ZNF804A: variants seen among roughly 807,000 people sequenced by gnomAD.
ZNF804A encodes zinc finger protein 804A.
A neutral mutation model predicts 16.5 loss-of-function variants in ZNF804A; 2 were observed. That is an observed-to-expected ratio of 0.12 (90% CI 0.05 to 0.38). The LOEUF is 0.38. ZNF804A is among the 10% of genes least tolerant of loss of function. ZNF804A has a pLI of 0.99. For synonymous variants in ZNF804A, 534 were observed against 489.6 expected (o/e 1.09, Z -1.20); for missense variants, 1,473 against 1,390.7 (o/e 1.06, Z -0.94).
chr2:184,924,497 A>T lies in ZNF804A; in HGVS notation c.256-9106A>T, dbSNP rs180955667. On this transcript the variant is annotated intron_variant, in intron 2 of 3. Transcript: ENST00000302277. ...AATTGTCAATTTTGTTTAACTTTTT[A>T]AAAAAACCTTCTTTTTATTTCATTG... is the stretch of plus-strand genomic sequence containing the variant. Among the ~76,000 whole-genome samples, 464 of 151,334 alleles carry T rather than the reference A, an allele frequency of 3.1e-3. 3 individuals carry two copies. Among genetic ancestry groups the T allele is most frequent in the African/African-American group, 9.9e-3 (410 of 41,352 alleles).
intron 2 of ZNF804A, among the ~76,000 whole-genome samples, chr2:184,881,978 T>C (rs1684816050): frequency 6.6e-6 from 1 of 151,994 alleles, no homozygotes; most frequent in Admixed American, 6.6e-5. Context: ...AATGCCCCAA[T>C]TAAAAGGCAC....
At chr2:184,708,466 C>G (rs1275308475) in intron 1 of ZNF804A, among the ~76,000 whole-genome samples, 1 of 152,052 alleles carries the variant, frequency 6.6e-6, no homozygotes, top group Non-Finnish European at 1.5e-5. Context: ...ATCTATGGAA[C>G]AGAATAGGGA....
intron 1 of ZNF804A, among the ~76,000 whole-genome samples, chr2:184,719,409 C>G (rs1206352932): frequency 6.6e-6 from 1 of 152,170 alleles, no homozygotes; most frequent in Non-Finnish European, 1.5e-5. Flanking sequence ...ATTCATTATG[C>G]AAATTTCTGC....
At chr2:184,609,061 T>C (rs1025636905) in intron 1 of ZNF804A, among the ~76,000 whole-genome samples, 1 of 152,192 alleles carries the variant, frequency 6.6e-6, no homozygotes, top group African/African-American at 2.4e-5. Flanking sequence ...TTAGGATATG[T>C]AGAAATATAG....
At chr2:184,654,571 T>A (rs1278583370) in intron 1 of ZNF804A, among the ~76,000 whole-genome samples, 1 of 152,132 alleles carries the variant, frequency 6.6e-6, no homozygotes, top group Non-Finnish European at 1.5e-5. Context: ...ATTCTCTCAC[T>A]TGTGATAGGT....
At chr2:184,718,383 A>G (rs1389769610) in intron 1 of ZNF804A, among the ~76,000 whole-genome samples, 2 of 152,076 alleles carry the variant, frequency 1.3e-5, no homozygotes, top group Non-Finnish European at 2.9e-5. Context: ...ATGTCCTCAC[A>G]TTTCAAAACC....
At chr2:184,645,722 C>G (rs1574145044) in intron 1 of ZNF804A, among the ~76,000 whole-genome samples, 1 of 152,196 alleles carries the variant, frequency 6.6e-6, no homozygotes, top group East Asian at 1.9e-4. Context: ...ATGCTTTAGC[C>G]TCTTGGAAAT....
At chr2:184,797,068 T>C (rs571236686) in intron 1 of ZNF804A, among the ~76,000 whole-genome samples, 1 of 152,158 alleles carries the variant, frequency 6.6e-6, no homozygotes, top group East Asian at 1.9e-4. Context: ...TTGAAGAAAT[T>C]TCTATGCACT....
At chr2:184,685,197 T>C (rs2105721668) in intron 1 of ZNF804A, among the ~76,000 whole-genome samples, 1 of 151,950 alleles carries the variant, frequency 6.6e-6, no homozygotes, top group South Asian at 2.1e-4. Flanking sequence ...TCGTGTGAGG[T>C]TGTAGCTGGA....
intron 1 of ZNF804A, among the ~76,000 whole-genome samples, chr2:184,675,091 T>C (rs1692399893): frequency 6.6e-6 from 1 of 151,818 alleles, no homozygotes; most frequent in African/African-American, 2.4e-5. Flanking sequence ...TTTATGTAAG[T>C]ATGTACTGTG....
intron 1 of ZNF804A, among the ~76,000 whole-genome samples, chr2:184,606,832 TACACAC>T (rs10645645): frequency 8.7e-5 from 13 of 149,336 alleles, no homozygotes; most frequent in Admixed American, 6.7e-4. Flanking sequence ...TAGGTGTGTC[TACACAC>T]ACACACACAC....
chr2:184,599,216 A>G, intron 1 of ZNF804A, 146 bp downstream of exon 1: 1 of 667,020 alleles, frequency 1.5e-6, no homozygotes, highest in East Asian at 2.8e-5. Flanking sequence ...TTGGGTGTAG[A>G]AAAAGGAAGG....
At chr2:184,784,159 CA>C (rs1694413167) in intron 1 of ZNF804A, among the ~76,000 whole-genome samples, 1 of 151,774 alleles carries the variant, frequency 6.6e-6, no homozygotes, top group Admixed American at 6.6e-5. Flanking sequence ...AGGTGGGGCT[CA>C]ATACAACTTT....
At chr2:184,815,690 A>C (rs1298300797) in intron 1 of ZNF804A, among the ~76,000 whole-genome samples, 1 of 151,982 alleles carries the variant, frequency 6.6e-6, no homozygotes, top group Non-Finnish European at 1.5e-5. Flanking sequence ...GGATATAATA[A>C]ATTTTTTCCT....
At chr2:184,672,514 T>C (rs185105036) in intron 1 of ZNF804A, among the ~76,000 whole-genome samples, 216 of 152,336 alleles carry the variant, frequency 1.4e-3, no homozygotes, top group Middle Eastern at 0.014. Flanking sequence ...TGACCTTTTA[T>C]TTGAATAAGT....
At chr2:184,851,271 A>G (rs889760264) in intron 1 of ZNF804A, among the ~76,000 whole-genome samples, 1 of 151,782 alleles carries the variant, frequency 6.6e-6, no homozygotes, top group Non-Finnish European at 1.5e-5. Context: ...ATATTGTGAA[A>G]CTAGATCTAT....
chr2:184,779,564 A>T (rs991587837), intron 1 of ZNF804A, among the ~76,000 whole-genome samples: 1 of 151,672 alleles, frequency 6.6e-6, no homozygotes, highest in African/African-American at 2.4e-5. Context: ...GATTATGGAG[A>T]TGGGCCCAAT....
At chr2:184,780,019 A>C (rs1449736131) in intron 1 of ZNF804A, among the ~76,000 whole-genome samples, 1 of 151,792 alleles carries the variant, frequency 6.6e-6, no homozygotes, top group Non-Finnish European at 1.5e-5. Context: ...ACAGGCTCCC[A>C]GGCTTCACAG....
chr2:184,849,421 A>G (rs1212020423), intron 1 of ZNF804A, among the ~76,000 whole-genome samples: 1 of 152,052 alleles, frequency 6.6e-6, no homozygotes, highest in Non-Finnish European at 1.5e-5. Flanking sequence ...ATATGGAAGA[A>G]TGGAAAGAGA....
Sources: allele counts gnomAD v4.1 joint callset (sites outside exome capture counted in the v4.1 genomes callset), GRCh38; gene constraint gnomAD v4.1.1; transcripts MANE v1.5; gene names NCBI Gene and HGNC (gene_info 2026-07-23, HGNC 2026-07-21).